The following FHIT variants were observed in gnomAD, a reference collection of about 807,000 sequenced individuals.
FHIT encodes fragile histidine triad diadenosine triphosphatase.
Under a neutral mutation model 17.9 loss-of-function variants are expected in FHIT, and 19 were observed. The observed-to-expected ratio is 1.06, with a 90% CI of 0.74 to 1.56. FHIT has a LOEUF of 1.56. Ranked by LOEUF, FHIT falls within the 40% of genes most tolerant of loss-of-function variation. The probability of loss-of-function intolerance (pLI) is 0.00; values close to 1 mark genes in which losing one functional copy is unlikely to be tolerated. For missense variants in FHIT, 248 were observed against 189.2 expected, an observed-to-expected ratio of 1.31 and a Z score of -1.82; for synonymous variants, 81 against 69.7, an observed-to-expected ratio of 1.16 and a Z score of -0.81.
chr3:60,019,802 A>C (rs985159847), intron 5 of FHIT, among the ~76,000 whole-genome samples: 7 of 152,220 alleles, frequency 4.6e-5, no homozygotes, highest in African/African-American at 1.4e-4. Context: ...TAACTTGTTC[A>C]AAGTCACACA....
At position 60,566,470 on chromosome 3, in the gene FHIT, G is replaced by GAGCTAT. The variant is rs1160714956; in HGVS notation, c.-17-29497_-17-29492dup. The stretch of plus-strand genomic sequence containing the variant: ...GATGAGACGTATCTCAAAATAATAA[G>GAGCTAT]AGCTATCTATGACCAACCAACAGCC... On this transcript the variant is annotated intron_variant, in intron 4 of 9. Coordinates refer to ENST00000492590, the MANE Select transcript of FHIT (RefSeq NM_002012.4). 1.5e-4 allele frequency among the ~76,000 whole-genome samples: 23 copies of GAGCTAT among 152,208 alleles called. 2 individuals are homozygous for GAGCTAT. The South Asian group carries it at 4.6e-3, about 30-fold the overall frequency.
At chr3:60,219,473 G>C (rs1357016830) in intron 5 of FHIT, among the ~76,000 whole-genome samples, 3 of 152,086 alleles carry the variant, frequency 2.0e-5, no homozygotes, top group Non-Finnish European at 4.4e-5. Context: ...AAAATGAATT[G>C]AGTTATTGGG....
At chr3:60,511,018 A>G (rs2034932187) in intron 5 of FHIT, among the ~76,000 whole-genome samples, 1 of 152,196 alleles carries the variant, frequency 6.6e-6, no homozygotes, top group African/African-American at 2.4e-5. Flanking sequence ...GGTAATAATG[A>G]GTAGCTATTT....
intron 5 of FHIT, among the ~76,000 whole-genome samples, chr3:60,372,869 T>C (rs1404922801): frequency 2.6e-5 from 4 of 152,180 alleles, no homozygotes; most frequent in South Asian, 4.1e-4. Context: ...TTCAGTATAT[T>C]CAGAGTGGAA....
At chr3:60,161,344 T>C (rs1323603385) in intron 5 of FHIT, among the ~76,000 whole-genome samples, 2 of 152,202 alleles carry the variant, frequency 1.3e-5, no homozygotes, top group East Asian at 1.9e-4. Context: ...GCCATAGTCA[T>C]GGCCAATCCT....
chr3:60,086,357 T>A (rs1313678912), intron 5 of FHIT, among the ~76,000 whole-genome samples: 1 of 152,144 alleles, frequency 6.6e-6, no homozygotes, highest in Non-Finnish European at 1.5e-5. Flanking sequence ...ATCCAAACCA[T>A]AGCATTCCAC....
At chr3:60,463,171 A>C (rs928337439) in intron 5 of FHIT, among the ~76,000 whole-genome samples, 2 of 152,212 alleles carry the variant, frequency 1.3e-5, no homozygotes, top group Non-Finnish European at 2.9e-5. Flanking sequence ...CACATCATTG[A>C]GTACCATGGG....
chr3:60,873,421 A>T (rs1471469905), intron 3 of FHIT, among the ~76,000 whole-genome samples: 1 of 152,236 alleles, frequency 6.6e-6, no homozygotes, highest in African/African-American at 2.4e-5. Flanking sequence ...GCGCCGTCCC[A>T]GGGAGCTGTG....
intron 3 of FHIT, among the ~76,000 whole-genome samples, chr3:60,901,919 C>T (rs1050933684): frequency 3.3e-5 from 5 of 152,066 alleles, no homozygotes; most frequent in African/African-American, 7.2e-5. Flanking sequence ...TTTGTCCTCG[C>T]GTTGGGGATT....
At chr3:60,260,648 TATCTTGAATAGCGGCTG>T (rs1706246000) in intron 5 of FHIT, among the ~76,000 whole-genome samples, 1 of 152,050 alleles carries the variant, frequency 6.6e-6, no homozygotes, top group Non-Finnish European at 1.5e-5. Context: ...AGAGCAACTC[TATCTTGAATAGCGGCTG>T]GGTAAAATAA....
chr3:60,331,280 T>A (rs370699703), intron 5 of FHIT, among the ~76,000 whole-genome samples: 2 of 151,666 alleles, frequency 1.3e-5, no homozygotes, highest in Non-Finnish European at 2.9e-5. Flanking sequence ...CCTTTCCTGA[T>A]TTTTTTTTCC....
chr3:60,354,059 C>T (rs1467526776), intron 5 of FHIT, among the ~76,000 whole-genome samples: 1 of 151,988 alleles, frequency 6.6e-6, no homozygotes, highest in Non-Finnish European at 1.5e-5. Context: ...ATCCAAATGT[C>T]TCACGATAAA....
chr3:60,213,103 G>A (rs1485656640), intron 5 of FHIT, among the ~76,000 whole-genome samples: 2 of 152,114 alleles, frequency 1.3e-5, no homozygotes, highest in Non-Finnish European at 1.5e-5. Context: ...CTTGGCTGAC[G>A]ATGACAAGAA....
At chr3:60,288,490 C>T (rs1255216600) in intron 5 of FHIT, among the ~76,000 whole-genome samples, 1 of 152,022 alleles carries the variant, frequency 6.6e-6, no homozygotes, top group Non-Finnish European at 1.5e-5. Flanking sequence ...ACCATGTATT[C>T]AAAGTGACTG....
At chr3:60,634,550 C>T (rs1206527942) in intron 4 of FHIT, among the ~76,000 whole-genome samples, 2 of 152,162 alleles carry the variant, frequency 1.3e-5, no homozygotes, top group Non-Finnish European at 2.9e-5. Flanking sequence ...CTTGAGAAAT[C>T]GCAATCAATA....
chr3:60,256,380 A>G (rs183146046), intron 5 of FHIT, among the ~76,000 whole-genome samples: 4 of 152,294 alleles, frequency 2.6e-5, no homozygotes, highest in African/African-American at 9.6e-5. Flanking sequence ...GCCTTTTAAG[A>G]TTTCTTAGAA....
chr3:60,525,604 G>A (rs921984812), intron 5 of FHIT, among the ~76,000 whole-genome samples: 3 of 152,160 alleles, frequency 2.0e-5, no homozygotes, highest in South Asian at 2.1e-4. Context: ...TGGGCAGAAC[G>A]TATAACTATG....
chr3:60,362,198 G>C (rs564844521), intron 5 of FHIT, among the ~76,000 whole-genome samples: 136 of 152,214 alleles, frequency 8.9e-4, no homozygotes, highest in African/African-American at 3.2e-3. Flanking sequence ...GTTATTTCTT[G>C]TGTATGACAA....
At chr3:60,973,815 G>A (rs1261072095) in intron 3 of FHIT, among the ~76,000 whole-genome samples, 2 of 152,106 alleles carry the variant, frequency 1.3e-5, no homozygotes, top group Non-Finnish European at 2.9e-5. Flanking sequence ...GAGTGGAGAA[G>A]GGAGATGTGT....
Sources: gnomAD v4.1 joint callset for allele counts (sites outside exome capture counted in the v4.1 genomes callset) on GRCh38, gnomAD v4.1.1 for gene constraint, MANE v1.5 for transcripts, NCBI Gene and HGNC (gene_info 2026-07-23, HGNC 2026-07-21) for gene names.